KAZN: variants seen among roughly 807,000 people sequenced by gnomAD.
The protein encoded by KAZN is kazrin.
Under a neutral mutation model 87.4 loss-of-function variants are expected in KAZN, and 40 were observed. That is an observed-to-expected ratio of 0.46 (90% CI 0.36 to 0.60). The LOEUF is 0.60. Among genes scored for constraint, KAZN ranks in the 20% least tolerant of loss-of-function variants. KAZN has a pLI of 0.00. For missense variants in KAZN, 898 were observed against 1,073.9 expected (o/e 0.84, Z 2.29); for synonymous variants, 466 against 458.3 (o/e 1.02, Z -0.22).
intron 2 of KAZN, among the ~76,000 whole-genome samples, chr1:14,289,884 A>C (rs184412858): frequency 6.6e-6 from 1 of 152,342 alleles, no homozygotes; most frequent in East Asian, 1.9e-4. Context: ...CGGTGGTGAC[A>C]AAATCTCTCA....
At chr1:14,045,984 G>C (rs1238770519) in intron 1 of KAZN, among the ~76,000 whole-genome samples, 1 of 152,160 alleles carries the variant, frequency 6.6e-6, no homozygotes, top group Non-Finnish European at 1.5e-5. Flanking sequence ...AGAGAGCTTG[G>C]AAGTTTTACC....
chr1:14,528,252 C>T (rs188851480), intron 2 of KAZN, among the ~76,000 whole-genome samples: 4 of 135,030 alleles, frequency 3.0e-5, no homozygotes, highest in Non-Finnish European at 4.6e-5. Flanking sequence ...GCAGGAGAAT[C>T]GCTTGAATCT....
chr1:14,383,614 T>C (rs1166255155), intron 2 of KAZN, among the ~76,000 whole-genome samples: 2 of 152,002 alleles, frequency 1.3e-5, no homozygotes, highest in Non-Finnish European at 2.9e-5. Context: ...TTGTCAAAGA[T>C]CAGATAGTTG....
intron 2 of KAZN, among the ~76,000 whole-genome samples, chr1:14,577,857 G>A (rs892351463): frequency 6.6e-6 from 1 of 152,150 alleles, no homozygotes; most frequent in South Asian, 2.1e-4. Context: ...TTTCACAGAT[G>A]AGAAAATGGA....
At chr1:14,673,892 GTCC>G (rs1448706523) in intron 1 of KAZN, among the ~76,000 whole-genome samples, 1 of 152,148 alleles carries the variant, frequency 6.6e-6, no homozygotes. Flanking sequence ...AAAGTCCTCA[GTCC>G]TCCTTTGTCA....
chr1:14,387,455 T>C (rs1338733425), intron 2 of KAZN, among the ~76,000 whole-genome samples: 4 of 152,168 alleles, frequency 2.6e-5, no homozygotes, highest in African/African-American at 9.7e-5. Context: ...TATCTACTTT[T>C]GGTCTTTGAT....
At chr1:14,170,460 A>C (rs1301492072) in intron 1 of KAZN, among the ~76,000 whole-genome samples, 4 of 152,182 alleles carry the variant, frequency 2.6e-5, no homozygotes, top group Non-Finnish European at 5.9e-5. Context: ...GCATCCTTAC[A>C]TGCCAGAGAC....
chr1:14,682,395 C>A (rs992156021), intron 1 of KAZN, among the ~76,000 whole-genome samples: 3 of 151,904 alleles, frequency 2.0e-5, no homozygotes, highest in African/African-American at 7.3e-5. Flanking sequence ...TCAAGCAATC[C>A]TCCAGCCTCA....
intron 8 of KAZN, among the ~76,000 whole-genome samples, chr1:15,069,453 C>A (rs778472545): frequency 6.6e-6 from 1 of 152,160 alleles, no homozygotes; most frequent in Non-Finnish European, 1.5e-5. Flanking sequence ...CAGGCCATAC[C>A]TTATTTGGGT....
intron 1 of KAZN, among the ~76,000 whole-genome samples, chr1:14,126,037 G>T (rs1644859007): frequency 6.6e-6 from 1 of 152,140 alleles, no homozygotes; most frequent in African/African-American, 2.4e-5. Flanking sequence ...AGGGTTTGTT[G>T]TAAGTGGAAG....
Position 14,599,154 on chromosome 1 carries a change from G to T in KAZN, c.157G>T (p.Ala53Ser). Residue 53 changes from alanine (A) to serine (S), a missense_variant, in exon 1 of 15, where the codon GCG (alanine) becomes TCG (serine). Transcript: ENST00000376030. This position sits in a 1 kb window ranked among gnomAD's most constrained non-coding sequence, Gnocchi z 4.4. Reference sequence around the variant, plus strand: ...CGGCCCCGGCCCGGGCCCGGGAGCCGCGGCCAGCGCCTCGGCGGCGGGGGA... The same window carrying T: ...CGGCCCCGGCCCGGGCCCGGGAGCCTCGGCCAGCGCCTCGGCGGCGGGGGA... ...GGGPGPGPGA[A>S]ASASAAGDSA... The T allele has an allele frequency of 7.2e-7, 1 of 1,396,052 alleles. No individual in the cohort carries two copies. Among genetic ancestry groups the T allele is most frequent in the Non-Finnish European group, 9.3e-7 (1 of 1,079,316 alleles). The allele number at this position is 1,396,052 out of a possible 1,614,324, so 86.5% of individuals were successfully genotyped here.
intron 2 of KAZN, among the ~76,000 whole-genome samples, chr1:14,583,124 C>A (rs1428930054): frequency 3.3e-5 from 5 of 152,216 alleles, no homozygotes; most frequent in African/African-American, 7.2e-5. Context: ...TATTGTCATT[C>A]CGCAGATGAG....
At chr1:14,812,810 A>AGGG (rs1262804312) in intron 1 of KAZN, among the ~76,000 whole-genome samples, 1 of 152,198 alleles carries the variant, frequency 6.6e-6, no homozygotes, top group Non-Finnish European at 1.5e-5. Context: ...CACCATGCCC[A>AGGG]GACTTAAGCT....
At chr1:14,559,548 A>G (rs1194024410) in intron 2 of KAZN, among the ~76,000 whole-genome samples, 2 of 152,170 alleles carry the variant, frequency 1.3e-5, no homozygotes, top group East Asian at 1.9e-4. Flanking sequence ...CTGCCTCTCA[A>G]TGTGTTTGTG....
chr1:14,394,193 T>C (rs886618813), intron 2 of KAZN, among the ~76,000 whole-genome samples: 1 of 152,284 alleles, frequency 6.6e-6, no homozygotes, highest in Non-Finnish European at 1.5e-5. Context: ...ATTTTCCTAT[T>C]TGCTTTAGTG....
Position 14,212,824 on chromosome 1 carries a change from C to A in KAZN, c.249+32232C>A, listed in dbSNP as rs565289988. Among the ~76,000 whole-genome samples the A allele has an allele frequency of 2.0e-5, 3 of 152,312 alleles. No homozygotes were observed. The South Asian group carries it at 6.2e-4, about 32-fold the overall frequency. On this transcript the variant is annotated intron_variant, in intron 2 of 16. Coordinates refer to the KAZN transcript ENST00000636203. ...TCAAAAGCTTTCTGAAAACCCACCTCTCCTCCTAGCCAATTCGAAGGCCTA... is the reference window on the plus strand; with the variant it reads ...TCAAAAGCTTTCTGAAAACCCACCTATCCTCCTAGCCAATTCGAAGGCCTA...
chr1:14,732,630 C>G (rs1386749322), intron 1 of KAZN, among the ~76,000 whole-genome samples: 2 of 152,158 alleles, frequency 1.3e-5, no homozygotes, highest in African/African-American at 2.4e-5. Flanking sequence ...CAGAGCAAGA[C>G]TCTGTCTCAA....
At chr1:14,988,425 G>A (rs1053364862) in intron 2 of KAZN, among the ~76,000 whole-genome samples, 1 of 152,242 alleles carries the variant, frequency 6.6e-6, no homozygotes, top group Admixed American at 6.5e-5. Flanking sequence ...CTCACTTAAG[G>A]AATGAGGGCC....
chr1:15,091,997 T>C (rs1483754693), intron 8 of KAZN, among the ~76,000 whole-genome samples: 2 of 151,976 alleles, frequency 1.3e-5, no homozygotes, highest in African/African-American at 4.8e-5. Context: ...TTTTACATTC[T>C]TGTAATGATT....
Sources: allele counts gnomAD v4.1 joint callset (sites outside exome capture counted in the v4.1 genomes callset), GRCh38; gene constraint gnomAD v4.1.1; non-coding constraint Gnocchi (gnomAD v3.1); transcripts MANE v1.5; gene names NCBI Gene and HGNC (gene_info 2026-07-23, HGNC 2026-07-21).